Variants in CSMD3 observed in about 807,000 individuals in gnomAD.
CSMD3 encodes the protein CUB and sushi domain-containing protein 3.
A neutral mutation model predicts 435.2 loss-of-function variants in CSMD3; 177 were observed. The observed-to-expected ratio is 0.41, with a 90% CI of 0.36 to 0.46. The LOEUF (loss-of-function observed/expected upper bound fraction) is 0.46. Ranked by LOEUF, CSMD3 falls within the 20% of genes least tolerant of loss-of-function variation. The pLI is 0.34. For synonymous variants in CSMD3, 1,656 were observed against 1,520.5 expected, an observed-to-expected ratio of 1.09 and a Z score of -2.07; for missense variants, 4,265 against 4,504.6, an observed-to-expected ratio of 0.95 and a Z score of 1.52.
At chr8:112,951,903 T>C (rs2083828535) in intron 8 of CSMD3, among the ~76,000 whole-genome samples, 1 of 151,564 alleles carries the variant, frequency 6.6e-6, no homozygotes. Context: ...AGTATGGATT[T>C]GAAGAAAAAG....
chr8:112,935,802 G>A (rs1039343888), intron 9 of CSMD3, among the ~76,000 whole-genome samples: 1 of 151,978 alleles, frequency 6.6e-6, no homozygotes, highest in East Asian at 1.9e-4. Flanking sequence ...GAAAAGTGAC[G>A]TGATTTGATA....
At chr8:112,972,043 A>T (rs72682185) in intron 7 of CSMD3, among the ~76,000 whole-genome samples, 2 of 151,892 alleles carry the variant, frequency 1.3e-5, no homozygotes, top group East Asian at 3.9e-4. Context: ...TAATTTATCT[A>T]TGTGTTAATT....
chr8:113,279,444 C>T (rs1447298256), intron 2 of CSMD3, among the ~76,000 whole-genome samples: 1 of 151,492 alleles, frequency 6.6e-6, no homozygotes, highest in East Asian at 1.9e-4. Flanking sequence ...TATACAATTT[C>T]AAATTGGTAT....
intron 63 of CSMD3, among the ~76,000 whole-genome samples, chr8:112,249,923 G>C (rs1239450595): frequency 6.6e-6 from 1 of 151,898 alleles, no homozygotes; most frequent in Non-Finnish European, 1.5e-5. Context: ...GCCGGAGACT[G>C]TGTGTACTCA....
chr8:112,913,188 T>G (rs2082475532), intron 10 of CSMD3, among the ~76,000 whole-genome samples: 1 of 151,980 alleles, frequency 6.6e-6, no homozygotes, highest in African/African-American at 2.4e-5. Context: ...CACCAGGGAC[T>G]GGTTTGGTGG....
chr8:113,259,037 C>A (rs963556636), intron 3 of CSMD3, among the ~76,000 whole-genome samples: 3 of 152,076 alleles, frequency 2.0e-5, no homozygotes, highest in Non-Finnish European at 2.9e-5. Flanking sequence ...GGAGATGAGA[C>A]AATTTGGAAT....
intron 3 of CSMD3, among the ~76,000 whole-genome samples, chr8:113,186,622 T>C (rs944884192): frequency 1.3e-5 from 2 of 151,984 alleles, no homozygotes; most frequent in African/African-American, 2.4e-5. Context: ...CTTCTCCAGG[T>C]AGAACGACCC....
chr8:113,142,879 T>C (rs1421248022), intron 4 of CSMD3, among the ~76,000 whole-genome samples: 1 of 149,752 alleles, frequency 6.7e-6, no homozygotes, highest in Non-Finnish European at 1.5e-5. Flanking sequence ...TATATATATA[T>C]ATATATATAC....
At chr8:113,433,970 T>A (rs1045977068) in intron 1 of CSMD3, among the ~76,000 whole-genome samples, 2 of 152,130 alleles carry the variant, frequency 1.3e-5, no homozygotes, top group African/African-American at 4.8e-5. Flanking sequence ...ACGCCTCAGT[T>A]TGGTGCTCTC....
chr8:112,672,951 A>T (rs558056952), intron 16 of CSMD3, among the ~76,000 whole-genome samples: 43 of 152,212 alleles, frequency 2.8e-4, no homozygotes, highest in Middle Eastern at 3.4e-3. Flanking sequence ...CCACAGCAGG[A>T]GATGCTCTTC....
chr8:112,852,163 A>T (rs1319175959), intron 11 of CSMD3, among the ~76,000 whole-genome samples: 1 of 152,188 alleles, frequency 6.6e-6, no homozygotes, highest in Non-Finnish European at 1.5e-5. Context: ...ACAATGAAAG[A>T]TAATAGAATG....
chr8:112,734,964 G>A (rs907843705), intron 13 of CSMD3, among the ~76,000 whole-genome samples: 4 of 151,934 alleles, frequency 2.6e-5, no homozygotes, highest in African/African-American at 9.7e-5. Context: ...TGTAACAATA[G>A]AAAGACGTAG....
intron 17 of CSMD3, among the ~76,000 whole-genome samples, chr8:112,657,757 C>T (rs893801050): frequency 5.9e-5 from 9 of 152,128 alleles, no homozygotes; most frequent in Non-Finnish European, 1.3e-4. Context: ...CCAAGGTTTT[C>T]CTACACATCT....
At chr8:113,145,037 T>G (rs2091640467) in intron 4 of CSMD3, among the ~76,000 whole-genome samples, 1 of 151,396 alleles carries the variant, frequency 6.6e-6, no homozygotes, top group Non-Finnish European at 1.5e-5. Context: ...TTGTCAAATG[T>G]CTGGGGAAGG....
At chr8:112,390,868 C>G in intron 35 of CSMD3, 80 bp from the exon 36 acceptor site, 2 of 1,274,736 alleles carry the variant, frequency 1.6e-6, no homozygotes, top group South Asian at 1.2e-5. Context: ...GAGATAACAT[C>G]TTAGACAGAT....
At chr8:113,332,163 G>A (rs985263806) in intron 1 of CSMD3, among the ~76,000 whole-genome samples, 2 of 151,414 alleles carry the variant, frequency 1.3e-5, no homozygotes, top group African/African-American at 4.8e-5. Context: ...GTGTGCAATA[G>A]CATTTAGTCT....
intron 65 of CSMD3, among the ~76,000 whole-genome samples, chr8:112,242,133 T>A (rs1299944946): frequency 6.6e-6 from 1 of 152,022 alleles, no homozygotes; most frequent in African/African-American, 2.4e-5. Context: ...GAGCTGAGAG[T>A]TGTTTTTGTT....
chr8:112,400,930 G>C (rs1251204610), intron 35 of CSMD3, among the ~76,000 whole-genome samples: 1 of 152,146 alleles, frequency 6.6e-6, no homozygotes, highest in Admixed American at 6.5e-5. Flanking sequence ...TCTTGGGCCA[G>C]GCCCGGTGGC....
At chr8:112,536,110 G>A (rs1275239276) in intron 27 of CSMD3, among the ~76,000 whole-genome samples, 1 of 152,152 alleles carries the variant, frequency 6.6e-6, no homozygotes, top group African/African-American at 2.4e-5. Context: ...ACATAGGCAT[G>A]GGCAAGGACT....
Sources: gnomAD v4.1 joint callset for allele counts (sites outside exome capture counted in the v4.1 genomes callset) on GRCh38, gnomAD v4.1.1 for gene constraint, MANE v1.5 for transcripts, NCBI Gene and HGNC (gene_info 2026-07-23, HGNC 2026-07-21) for gene names.